The following FABP6 variants were observed in gnomAD, a reference collection of about 807,000 sequenced individuals.
FABP6 encodes the protein gastrotropin.
Under a neutral mutation model 14.9 loss-of-function variants are expected in FABP6, and 13 were observed. The observed-to-expected ratio is 0.87, with a 90% confidence interval of 0.57 to 1.39. FABP6 has a LOEUF of 1.39. Among genes scored for constraint, FABP6 ranks in the 40% most tolerant of loss-of-function variants. The probability of loss-of-function intolerance (pLI) is 0.00; values close to 1 mark genes in which losing one functional copy is unlikely to be tolerated. For missense variants in FABP6, 161 were observed against 167.2 expected (o/e 0.96, Z 0.20); for synonymous variants, 75 against 63.6 (o/e 1.18, Z -0.85).
chr5:160,198,061 G>C (rs896479067), intron 1 of FABP6: 1 of 152,490 alleles, frequency 6.6e-6, no homozygotes, highest in African/African-American at 2.4e-5. Flanking sequence ...GGGGGAAGGG[G>C]GTAGGGAGAG....
At chr5:160,219,877 C>A in intron 3 of FABP6, among the ~76,000 whole-genome samples, 1 of 152,152 alleles carries the variant, frequency 6.6e-6, no homozygotes, top group East Asian at 1.9e-4. Flanking sequence ...CCTACCAAAC[C>A]AGAATTTTGG....
chr5:160,198,695 T>C (rs1321225413), intron 1 of FABP6: 2 of 182,406 alleles, frequency 1.1e-5, no homozygotes, highest in Non-Finnish European at 2.3e-5. Flanking sequence ...CCCTAGCTTT[T>C]TACCAACTGA....
intron 1 of FABP6, among the ~76,000 whole-genome samples, chr5:160,189,388 C>T (rs1448842542): frequency 6.6e-6 from 1 of 151,834 alleles, no homozygotes; most frequent in African/African-American, 2.4e-5. Flanking sequence ...ATTACAGGCG[C>T]CCACCACCAC....
upstream of FABP6, among the ~76,000 whole-genome samples, chr5:160,229,258 C>T (rs1760315181): frequency 6.6e-6 from 1 of 152,084 alleles, no homozygotes; most frequent in African/African-American, 2.4e-5. Context: ...CATGCGGGAA[C>T]GGAGGGAGAG....
chr5:160,225,478 T>G (rs1349336482), upstream of FABP6, among the ~76,000 whole-genome samples: 1 of 148,328 alleles, frequency 6.7e-6, no homozygotes, highest in East Asian at 2.0e-4. Context: ...CTCGGCTCAC[T>G]GCAACTTTTG....
Position 160,232,081 on chromosome 5 carries a change from C to G in FABP6, c.68-17C>G. 1 of 1,612,818 alleles carries G rather than the reference C, an allele frequency of 6.2e-7. No individual in the cohort carries two copies. Among genetic ancestry groups the G allele is most frequent in the Non-Finnish European group, 8.5e-7 (1 of 1,179,456 alleles). ...AAGCAGCTCTTATATGGCTACTCTGCTTGTCCCCGGGTCCAGGGATCTCCA... is the reference window on the plus strand; with the variant it reads ...AAGCAGCTCTTATATGGCTACTCTGGTTGTCCCCGGGTCCAGGGATCTCCA... On this transcript the variant is annotated splice_polypyrimidine_tract_variant and intron_variant, in intron 1 of 3. Coordinates refer to ENST00000402432, the MANE Select transcript of FABP6 (RefSeq NM_001445.3).
chr5:160,201,504 T>C (rs540685550), intron 2 of FABP6, among the ~76,000 whole-genome samples: 22 of 152,264 alleles, frequency 1.4e-4, no homozygotes, highest in African/African-American at 5.1e-4. Context: ...AGTGAATGTA[T>C]TACCTATTTA....
intron 2 of FABP6, among the ~76,000 whole-genome samples, chr5:160,207,868 T>G (rs55743107): frequency 3.3e-5 from 5 of 151,742 alleles, no homozygotes; most frequent in African/African-American, 4.8e-5. Flanking sequence ...GGATTACAGG[T>G]GCCTGCCACC....
intron 2 of FABP6, among the ~76,000 whole-genome samples, chr5:160,206,866 C>T (rs1325525056): frequency 6.6e-6 from 1 of 152,154 alleles, no homozygotes; most frequent in African/African-American, 2.4e-5. Context: ...GTCATGGATG[C>T]TAGACACAGC....
chr5:160,222,394 TA>T (rs1760147759), intron 3 of FABP6, among the ~76,000 whole-genome samples: 1 of 151,852 alleles, frequency 6.6e-6, no homozygotes, highest in South Asian at 2.1e-4. Context: ...AGTGCAGTGG[TA>T]CCATCTCAGC....
At chr5:160,228,684 C>T (rs1422259494), upstream of FABP6, 1 of 378,198 alleles carries the variant, frequency 2.6e-6, no homozygotes, top group Non-Finnish European at 5.2e-6. Context: ...CTGGCACCTT[C>T]TCCTCCAGGT....
chr5:160,215,095 C>T (rs2113110397), intron 3 of FABP6, among the ~76,000 whole-genome samples: 1 of 152,260 alleles, frequency 6.6e-6, no homozygotes, highest in South Asian at 2.1e-4. Context: ...TTTTTGTTTT[C>T]CCCATGTTGT....
At chr5:160,189,349 C>G (rs763967452) in intron 1 of FABP6, among the ~76,000 whole-genome samples, 10 of 152,132 alleles carry the variant, frequency 6.6e-5, no homozygotes, top group Non-Finnish European at 1.5e-4. Context: ...TCAAGTGATT[C>G]TCCTGCCTCA....
intron 1 of FABP6, 138 bp from the exon 2 acceptor site, chr5:160,231,960 C>T (rs1760391437): frequency 1.1e-6 from 1 of 920,144 alleles, no homozygotes; most frequent in Middle Eastern, 2.7e-4. Context: ...CTGTCTCAGG[C>T]ACTGTGCTCT....
intron 1 of FABP6, 178 bp from the exon 2 acceptor site, chr5:160,231,920 C>A (rs1760390454): frequency 1.6e-6 from 1 of 628,942 alleles, no homozygotes; most frequent in African/African-American, 1.9e-5. Flanking sequence ...AGGGACTTTC[C>A]CCAGCCACAT....
chr5:160,235,453 C>G (rs1285177611), intron 3 of FABP6, among the ~76,000 whole-genome samples: 2 of 152,166 alleles, frequency 1.3e-5, no homozygotes, highest in Non-Finnish European at 2.9e-5. Context: ...ATTGGCAGGT[C>G]CCACACACAC....
intron 3 of FABP6, among the ~76,000 whole-genome samples, chr5:160,218,802 A>C (rs1417602933): frequency 6.7e-6 from 1 of 148,892 alleles, no homozygotes; most frequent in Non-Finnish European, 1.5e-5. Context: ...TCTGTCACCC[A>C]GGCTGGATTG....
chr5:160,218,712 C>T (rs929917971), intron 3 of FABP6, among the ~76,000 whole-genome samples: 3 of 151,666 alleles, frequency 2.0e-5, no homozygotes, highest in African/African-American at 7.3e-5. Context: ...CCTCCCACCT[C>T]AGCCTCCCAA....
chr5:160,212,173 G>A (rs1251555858), intron 2 of FABP6, among the ~76,000 whole-genome samples: 2 of 151,316 alleles, frequency 1.3e-5, no homozygotes, highest in African/African-American at 4.9e-5. Context: ...TTTCTTTTTT[G>A]AGATGGAGTC....
Sources: allele counts gnomAD v4.1 joint callset (sites outside exome capture counted in the v4.1 genomes callset), GRCh38; gene constraint gnomAD v4.1.1; transcripts MANE v1.5; gene names NCBI Gene and HGNC (gene_info 2026-07-23, HGNC 2026-07-21).